The following KIRREL1 variants were observed in gnomAD, a reference collection of about 807,000 sequenced individuals.
The protein encoded by KIRREL1 is kin of IRRE-like protein 1.
KIRREL1 carries 25 observed loss-of-function variants against 83.3 expected under a neutral mutation model. The ratio of observed to expected loss-of-function variants is 0.30; its 90% confidence interval spans 0.22 to 0.42. The LOEUF is 0.42. Among genes scored for constraint, KIRREL1 ranks in the 10% least tolerant of loss-of-function variants. The pLI is 1.00. For missense variants in KIRREL1, 812 were observed against 1,032.3 expected, an observed-to-expected ratio of 0.79 and a Z score of 2.92; for synonymous variants, 388 against 410.4, an observed-to-expected ratio of 0.95 and a Z score of 0.66.
intron 1 of KIRREL1, among the ~76,000 whole-genome samples, chr1:158,037,675 A>G (rs1464102764): frequency 6.6e-6 from 1 of 152,098 alleles, no homozygotes; most frequent in Non-Finnish European, 1.5e-5. Context: ...CCAAACCCTG[A>G]TTGTAGCTCC....
intron 1 of KIRREL1, among the ~76,000 whole-genome samples, chr1:158,018,276 C>T (rs976503719): frequency 6.6e-6 from 1 of 152,084 alleles, no homozygotes; most frequent in African/African-American, 2.4e-5. Flanking sequence ...TCTGGTGTGC[C>T]GCACCACACC....
intron 1 of KIRREL1, among the ~76,000 whole-genome samples, chr1:158,057,063 C>G (rs1480560811): frequency 6.6e-6 from 1 of 152,178 alleles, no homozygotes; most frequent in Admixed American, 6.5e-5. Flanking sequence ...TCATCAAACC[C>G]TAATGAAGTG....
chr1:158,006,623 G>T (rs1659526265), intron 1 of KIRREL1, among the ~76,000 whole-genome samples: 1 of 152,238 alleles, frequency 6.6e-6, no homozygotes. Flanking sequence ...AGGACCAGGA[G>T]AATGATGTTC....
rs560197717 is a variant in KIRREL1 at position 158,040,333 on chromosome 1, C to T, written c.53-35780C>T. 3.9e-5 allele frequency among the ~76,000 whole-genome samples: 6 copies of T among 152,244 alleles called. No homozygotes were observed. The East Asian group carries it at 1.2e-3, about 29-fold the overall frequency. On this transcript the variant is annotated intron_variant, in intron 1 of 14. Transcript: ENST00000359209. ...GAGAAATGCCATAAAGCATAGCAAG[C>T]AAGTCCCATAATAGAGGTCAGAGAC...
chr1:158,066,166 G>C (rs1369201662), intron 1 of KIRREL1, among the ~76,000 whole-genome samples: 1 of 151,962 alleles, frequency 6.6e-6, no homozygotes. Flanking sequence ...AAGCCACCGG[G>C]AATTTGGAGA....
At chr1:158,012,258 G>A (rs1659710102) in intron 1 of KIRREL1, among the ~76,000 whole-genome samples, 1 of 152,108 alleles carries the variant, frequency 6.6e-6, no homozygotes, top group Non-Finnish European at 1.5e-5. Flanking sequence ...GTAGTAAAAT[G>A]AGGAGCTCCG....
At chr1:158,024,784 G>A (rs1660118698) in intron 1 of KIRREL1, among the ~76,000 whole-genome samples, 1 of 152,146 alleles carries the variant, frequency 6.6e-6, no homozygotes, top group Admixed American at 6.5e-5. Context: ...GTTCCCCAGG[G>A]TCCACCCTGA....
rs1268109777 is a variant in KIRREL1 at position 158,099,752 on chromosome 1, C to A, written c.*4632C>A. On this transcript the variant is annotated 3_prime_UTR_variant, in exon 15 of 15. Transcript: ENST00000359209. ...CCCAACCACTGGCCTTGTTGAGTAT[C>A]GATGGGCCCTGAGCTCTTCTGTTTG... The A allele has an allele frequency of 6.6e-6, 1 of 152,136 alleles. No individual in the cohort carries two copies. Among genetic ancestry groups the A allele is most frequent in the Non-Finnish European group, 1.5e-5 (1 of 68,056 alleles). 9.4% of individuals were successfully genotyped at this position (152,136 alleles called of 1,614,324 possible).
chr1:158,061,854 G>A (rs181815647), intron 1 of KIRREL1, among the ~76,000 whole-genome samples: 4 of 152,244 alleles, frequency 2.6e-5, no homozygotes, highest in East Asian at 3.9e-4. Context: ...TGGAGGACGG[G>A]GATTTGAAGG....
At chr1:158,089,438 G>A in intron 8 of KIRREL1, 64 bp from the exon 9 acceptor site, 1 of 1,597,312 alleles carries the variant, frequency 6.3e-7, no homozygotes, top group Non-Finnish European at 8.5e-7. Context: ...CCGATGTGGG[G>A]CCCTCATGGA....
At chr1:158,064,257 G>C (rs1015015221) in intron 1 of KIRREL1, among the ~76,000 whole-genome samples, 1 of 152,172 alleles carries the variant, frequency 6.6e-6, no homozygotes, top group East Asian at 1.9e-4. Context: ...TTATGTTCAA[G>C]TCCCATTACC....
At chr1:158,011,165 C>T (rs976113789) in intron 1 of KIRREL1, among the ~76,000 whole-genome samples, 5 of 152,176 alleles carry the variant, frequency 3.3e-5, no homozygotes, top group Non-Finnish European at 5.9e-5. Flanking sequence ...TTACCGCCTC[C>T]GGAGAGCCCA....
intron 1 of KIRREL1, among the ~76,000 whole-genome samples, chr1:158,038,777 A>G (rs1281683695): frequency 4.6e-5 from 7 of 152,228 alleles, no homozygotes; most frequent in Non-Finnish European, 8.8e-5. Context: ...TCAAAGAAAC[A>G]GTAGACTTGC....
intron 1 of KIRREL1, among the ~76,000 whole-genome samples, chr1:158,018,830 AC>A (rs1659915728): frequency 6.6e-6 from 1 of 152,162 alleles, no homozygotes; most frequent in Non-Finnish European, 1.5e-5. Context: ...TTGCCCCAGT[AC>A]CTGGTATCCA....
At chr1:158,084,295 G>A in intron 3 of KIRREL1, 127 bp from the exon 4 acceptor site, 2 of 815,766 alleles carry the variant, frequency 2.5e-6, no homozygotes, top group East Asian at 2.8e-5. Context: ...AGATTAGGGG[G>A]TAGGGTGGTA....
At chr1:158,039,055 G>A (rs931657454) in intron 1 of KIRREL1, among the ~76,000 whole-genome samples, 21 of 152,168 alleles carry the variant, frequency 1.4e-4, no homozygotes, top group Non-Finnish European at 2.5e-4. Context: ...CACATGCTGG[G>A]CACGCTGGAC....
At chr1:158,031,196 G>A (rs544774546) in intron 1 of KIRREL1, 2 of 152,190 alleles carry the variant, frequency 1.3e-5, no homozygotes, top group East Asian at 1.9e-4. Context: ...TCCCCCGAAC[G>A]AAAAGGGAAT....
chr1:158,079,301 GTTGT>G (rs1661777955), intron 3 of KIRREL1, among the ~76,000 whole-genome samples: 1 of 152,248 alleles, frequency 6.6e-6, no homozygotes, highest in East Asian at 1.9e-4. Flanking sequence ...AAGGTTTTCT[GTTGT>G]TTGTTTGGTT....
intron 1 of KIRREL1, among the ~76,000 whole-genome samples, chr1:158,001,861 C>T (rs1272561237): frequency 1.3e-5 from 2 of 152,100 alleles, no homozygotes; most frequent in African/African-American, 2.4e-5. Context: ...TGCAAAGACT[C>T]CCCTGTAAGA....
Sources: gnomAD v4.1 joint callset for allele counts (sites outside exome capture counted in the v4.1 genomes callset) on GRCh38, gnomAD v4.1.1 for gene constraint, MANE v1.5 for transcripts, NCBI Gene and HGNC (gene_info 2026-07-23, HGNC 2026-07-21) for gene names.